Variants in DHX34 observed in about 807,000 individuals in gnomAD.
DHX34 encodes probable ATP-dependent RNA helicase DHX34.
Under a neutral mutation model 111.1 loss-of-function variants are expected in DHX34, and 96 were observed. The ratio of observed to expected loss-of-function variants is 0.86; its 90% CI spans 0.73 to 1.02. The LOEUF (loss-of-function observed/expected upper bound fraction) is 1.02. Among genes scored for constraint, DHX34 ranks in the 50% least tolerant of loss-of-function variants. DHX34 has a pLI of 0.00. For synonymous variants in DHX34, 688 were observed against 670.4 expected, an observed-to-expected ratio of 1.03 and a Z score of -0.41; for missense variants, 1,560 against 1,579.9, an observed-to-expected ratio of 0.99 and a Z score of 0.21.
At chr19:47,375,405 C>A in intron 9 of DHX34, 61 bp from the exon 10 acceptor site, 1 of 1,482,538 alleles carries the variant, frequency 6.7e-7, no homozygotes, top group Non-Finnish European at 8.9e-7. Context: ...TCCCCATTTC[C>A]ATGAGTCCAG....
At chr19:47,350,353 G>T (rs1037411951) in intron 1 of DHX34, among the ~76,000 whole-genome samples, 1 of 152,062 alleles carries the variant, frequency 6.6e-6, no homozygotes, top group African/African-American at 2.4e-5. Flanking sequence ...GCTGTACGCC[G>T]TGATTGTGCC....
chr19:47,357,833 G>A, intron 3 of DHX34, 33 bp from the exon 4 acceptor site: 1 of 1,597,552 alleles, frequency 6.3e-7, no homozygotes, highest in Non-Finnish European at 8.6e-7. Context: ...GGAGGGACAG[G>A]GTGTGCTTCT....
At position 47,353,075 on chromosome 19, in the gene DHX34, C is replaced by T. The variant is rs776002408; in HGVS notation, c.45C>T (p.His15=). 8 of 1,613,968 alleles carry T rather than the reference C, an allele frequency of 5.0e-6. No homozygotes were observed. In the East Asian group the frequency reaches 6.7e-5, roughly 13 times the overall value. Residue 15 remains histidine (H), a synonymous_variant, in exon 2 of 17, where the codon CAC becomes CAT. Coordinates refer to ENST00000328771, the MANE Select transcript of DHX34 (RefSeq NM_014681.6). The surrounding 1 kb of genome is among the most constrained non-coding windows in gnomAD (Gnocchi z 4.6). ...GGGAGGGCAGGGATCGCCGAGACCA[C>T]CACCGGGCTCCCAGCGAGGAAGAGG... ...RTREGRDRRD[H]HRAPSEEEAL...
intron 12 of DHX34, chr19:47,376,806 T>G (rs753643480): frequency 2.0e-6 from 3 of 1,513,908 alleles, no homozygotes; most frequent in Non-Finnish European, 2.6e-6. Flanking sequence ...GCCCAGAGAG[T>G]GAGCACCGGT....
In DHX34 at chr19:47,376,081, G is replaced by A. The variant is rs145629927; in HGVS notation, c.2465G>A (p.Arg822Gln). 21 of 1,565,828 alleles carry A rather than the reference G, an allele frequency of 1.3e-5. No individual in the cohort carries two copies. Among genetic ancestry groups the A allele is most frequent in the South Asian group, 4.6e-5 (4 of 86,138 alleles). Residue 822 changes from arginine (R) to glutamine (Q), a missense_variant, in exon 11 of 17, where the codon CGA becomes CAA. Transcript: ENST00000328771. ...LAVPDAFNSS[R>Q]KDSDQIFHTQ... ...GTCCCCGACGCCTTCAACAGCAGCC[G>A]AAAGGACTCAGACCAGGTGGGGCCT...
Position 47,362,104 on chromosome 19 carries a change from G to A in DHX34, c.1376-372G>A, listed in dbSNP as rs142818550. Among the ~76,000 whole-genome samples, 56 of 151,530 alleles carry A rather than the reference G, an allele frequency of 3.7e-4. No individual in the cohort carries two copies. In the East Asian group the frequency reaches 9.0e-3, roughly 24 times the overall value. ...GTTTGAGATCAGCCTGTGAAACCCC[G>A]TCACTGCAAAAAATTAGCCGGGTGT... is the stretch of plus-strand genomic sequence containing the variant. On this transcript the variant is annotated intron_variant, in intron 5 of 16. Coordinates refer to ENST00000328771, the MANE Select transcript of DHX34 (RefSeq NM_014681.6).
chr19:47,376,642 G>GGCCC, intron 12 of DHX34, 82 bp downstream of exon 12: 1 of 1,509,738 alleles, frequency 6.6e-7, no homozygotes, highest in East Asian at 2.5e-5. Context: ...CCCTCTGGCT[G>GGCCC]GGGCTCCCAC....
chr19:47,369,448 T>G lies in DHX34; in HGVS notation c.1768+2293T>G, dbSNP rs568260287. 5.3e-5 allele frequency among the ~76,000 whole-genome samples: 8 copies of G among 152,328 alleles called. No homozygotes were observed. The South Asian group carries it at 6.2e-4, about 12-fold the overall frequency. ...TGAGCCACAGCTCCTGGCCCATTCA[T>G]TAAATAATTTTTGAGCACCTGCTCT... On this transcript the variant is annotated intron_variant, in intron 7 of 16. Coordinates refer to ENST00000328771, the MANE Select transcript of DHX34 (RefSeq NM_014681.6).
At chr19:47,364,544 C>G (rs1217995297) in intron 6 of DHX34, among the ~76,000 whole-genome samples, 1 of 152,026 alleles carries the variant, frequency 6.6e-6, no homozygotes, top group Non-Finnish European at 1.5e-5. Context: ...GAAGTCGAGA[C>G]CAGCCTAGGC....
Position 47,381,251 on chromosome 19 carries a change from TGCGCCCCTC to T in DHX34, c.3226_3234del (p.Ala1076_Leu1078del). On this transcript the variant is annotated inframe_deletion, in exon 16 of 17. Coordinates refer to ENST00000328771, the MANE Select transcript of DHX34 (RefSeq NM_014681.6). Reference sequence around the variant, plus strand: ...GGACCTGCCCCCACTGTGGCCTGCATGCGCCCCTCACGCCCCTGGAGCGCATCGCCCATG... The same window carrying T: ...GGACCTGCCCCCACTGTGGCCTGCATACGCCCCTGGAGCGCATCGCCCATG... 1.2e-6 allele frequency: 2 copies of T among 1,614,110 alleles called. No homozygotes were observed. Among genetic ancestry groups the T allele is most frequent in the Non-Finnish European group, 1.7e-6 (2 of 1,179,974 alleles).
Position 47,362,526 on chromosome 19 carries a change from C to T in DHX34, c.1426C>T (p.Gln476Ter). 1.2e-6 allele frequency: 2 copies of T among 1,606,102 alleles called. No individual in the cohort carries two copies. The highest frequency in any genetic ancestry group is 1.7e-6 in the Non-Finnish European group (2 of 1,175,652). ...TCCGCAGGCCAAGCTGCAACGGCTGCAGGAGTTCTGGATTAGTCAGGCCAG... is the reference window on the plus strand; with the variant it reads ...TCCGCAGGCCAAGCTGCAACGGCTGTAGGAGTTCTGGATTAGTCAGGCCAG... ...YDPQAKLQRL[Q>*]EFWISQASAE... The change falls in exon 6 of 17, where the codon CAG becomes TAG. Residue 476 changes from glutamine to a stop codon, truncating the protein, a stop_gained. Transcript: ENST00000328771. LOFTEE classifies it high-confidence loss of function.
intron 1 of DHX34, among the ~76,000 whole-genome samples, chr19:47,349,830 C>A (rs62130467): frequency 6.6e-6 from 1 of 151,946 alleles, no homozygotes; most frequent in Admixed American, 6.6e-5. Context: ...ACGGGGGAGA[C>A]CGAGAGATAC....
intron 4 of DHX34, among the ~76,000 whole-genome samples, chr19:47,358,625 T>C (rs759100815): frequency 3.3e-5 from 5 of 151,898 alleles, no homozygotes; most frequent in African/African-American, 4.8e-5. Context: ...TAATTTTTTT[T>C]TCTTTTTGGG....
Position 47,382,209 on chromosome 19 carries a change from T to C in DHX34, c.*96T>C. On this transcript the variant is annotated 3_prime_UTR_variant, in exon 17 of 17. Transcript: ENST00000328771. ...CTTGCCTGAACCCCCAGCCTGGGCT[T>C]AGCCCTGTGGTCCTGTCCCAGTGCA... 6.5e-7 allele frequency: 1 copy of C among 1,537,636 alleles called. No individual in the cohort carries two copies. The highest frequency in any genetic ancestry group is 2.3e-5 in the East Asian group (1 of 43,266).
In DHX34 at chr19:47,349,344, C is replaced by G. The variant is rs547509398; in HGVS notation, c.-286C>G. The G allele has an allele frequency of 4.6e-5, 7 of 151,928 alleles. No homozygotes were observed. In the East Asian group the frequency reaches 1.4e-3, roughly 29 times the overall value. The allele number at this position is 151,928 out of a possible 1,614,324, so 9.4% of individuals were successfully genotyped here. A position where few individuals can be genotyped will look rare whatever the true frequency, so the allele number is the denominator to read the frequency against. On this transcript the variant is annotated 5_prime_UTR_variant, in exon 1 of 17. Coordinates refer to ENST00000328771, the MANE Select transcript of DHX34 (RefSeq NM_014681.6). ...TTGGGACCGGAAGTTAAGGCGTTCG[C>G]GGCGTGTGGTAAGTGAGGGGGGCGG...
chr19:47,373,794 C>A, intron 9 of DHX34, 94 bp downstream of exon 9: 3 of 1,472,632 alleles, frequency 2.0e-6, no homozygotes, highest in East Asian at 2.5e-5. Context: ...AGACAGTGGT[C>A]AGACCAGAAT....
chr19:47,358,458 T>TC (rs1969528139), intron 4 of DHX34, among the ~76,000 whole-genome samples: 1 of 145,064 alleles, frequency 6.9e-6, no homozygotes, highest in Non-Finnish European at 1.6e-5. Flanking sequence ...CCAAAACAGT[T>TC]TTTTTTTTTT....
rs568042874 is a variant in DHX34 at position 47,351,321 on chromosome 19, C to T, written c.-277-1433C>T. On this transcript the variant is annotated intron_variant, in intron 1 of 16. Coordinates refer to ENST00000328771, the MANE Select transcript of DHX34 (RefSeq NM_014681.6). ...AGCCTCCCGAGTCGCTGGGACTACC[C>T]GAGTAGCCAGGTGCCCGCCACCACA... 1.1e-4 allele frequency among the ~76,000 whole-genome samples: 17 copies of T among 151,388 alleles called. No homozygotes were observed. The East Asian group carries it at 2.3e-3, about 21-fold the overall frequency.
intron 16 of DHX34, 134 bp from the exon 17 acceptor site, chr19:47,381,846 T>C: frequency 6.7e-7 from 1 of 1,497,066 alleles, no homozygotes. Flanking sequence ...TGGGAGGGCT[T>C]CCTGGAGGAG....
Sources: gnomAD v4.1 joint callset for allele counts (sites outside exome capture counted in the v4.1 genomes callset) on GRCh38, gnomAD v4.1.1 for gene constraint, Gnocchi (gnomAD v3.1) non-coding constraint, MANE v1.5 for transcripts, NCBI Gene and HGNC (gene_info 2026-07-23, HGNC 2026-07-21) for gene names.